The following MYO15A variants were observed in gnomAD, a reference collection of about 807,000 sequenced individuals.
The protein encoded by MYO15A is unconventional myosin-XV.
Under a neutral mutation model 394.6 loss-of-function variants are expected in MYO15A, and 308 were observed. The ratio of observed to expected loss-of-function variants is 0.78; its 90% CI spans 0.71 to 0.86. The LOEUF is 0.86. Among genes scored for constraint, MYO15A ranks in the 40% least tolerant of loss-of-function variants. The pLI, the probability that MYO15A is intolerant of heterozygous loss-of-function variation, is 0.00. For synonymous variants in MYO15A, 1,957 were observed against 2,003.8 expected, an observed-to-expected ratio of 0.98 and a Z score of 0.62; for missense variants, 4,606 against 4,799.1, an observed-to-expected ratio of 0.96 and a Z score of 1.19.
At chr17:18,115,133 C>T (rs2045768073) in intron 1 of MYO15A, among the ~76,000 whole-genome samples, 1 of 152,192 alleles carries the variant, frequency 6.6e-6, no homozygotes, top group Middle Eastern at 3.2e-3. Flanking sequence ...TTCCTGCACC[C>T]TGCCTCATCC....
At chr17:18,141,813 G>C in intron 23 of MYO15A, 43 bp downstream of exon 23, 3 of 1,585,414 alleles carry the variant, frequency 1.9e-6, no homozygotes, top group Non-Finnish European at 2.6e-6. Flanking sequence ...CCCCAAGTTT[G>C]GGGGGGTCCA....
Position 18,143,947 on chromosome 17 carries a change from C to A in MYO15A, c.6124C>A (p.Pro2042Thr). 1.2e-6 allele frequency: 2 copies of A among 1,612,400 alleles called. No individual in the cohort carries two copies. Among genetic ancestry groups the A allele is most frequent in the Non-Finnish European group, 1.7e-6 (2 of 1,179,522 alleles). The change falls in exon 28 of 66, where the codon CCC (proline) becomes ACC (threonine). Residue 2042 changes from proline to threonine, a missense_variant. Coordinates refer to ENST00000647165, the MANE Select transcript of MYO15A (RefSeq NM_016239.4). ...RLQAEPRVTL[P>T]LDINNYPMAK... ...CCAGGCTGAGCCCCGTGTCACACTGCCCCTGGACATCAACAACTATCCTAT... is the reference window on the plus strand; with the variant it reads ...CCAGGCTGAGCCCCGTGTCACACTGACCCTGGACATCAACAACTATCCTAT...
At chr17:18,160,625 G>A (rs2142397082) in intron 56 of MYO15A, 1 of 197,550 alleles carries the variant, frequency 5.1e-6, no homozygotes, top group East Asian at 1.2e-4. Context: ...GCCAGGGGCT[G>A]CGGTGTTCAC....
intron 65 of MYO15A, chr17:18,177,919 C>G (rs1441806885): frequency 6.6e-6 from 1 of 152,246 alleles, no homozygotes; most frequent in African/African-American, 2.4e-5. Context: ...GATTGATTTC[C>G]GCAATTCCCT....
In MYO15A at chr17:18,159,008, C is replaced by T. The variant is rs1203842483; in HGVS notation, c.9156+11C>T. On this transcript the variant is annotated intron_variant, in intron 53 of 65. Transcript: ENST00000647165. Reference sequence around the variant, plus strand: ...CTTTGCTTCACCAAGGTGTCCAGTCCCGGACCTCAGTTTCCCCATCTGTAA... The same window carrying T: ...CTTTGCTTCACCAAGGTGTCCAGTCTCGGACCTCAGTTTCCCCATCTGTAA... 2.5e-6 allele frequency: 4 copies of T among 1,613,146 alleles called. No homozygotes were observed. Among genetic ancestry groups the T allele is most frequent in the Admixed American group, 3.3e-5 (2 of 59,886 alleles).
intron 56 of MYO15A, 107 bp from the exon 57 acceptor site, chr17:18,161,210 C>T (rs1385044644): frequency 6.9e-7 from 1 of 1,450,844 alleles, no homozygotes; most frequent in East Asian, 2.4e-5. Flanking sequence ...CCTCAGGGGA[C>T]AGGAGCTGCC....
chr17:18,157,243 G>GA lies in MYO15A; in HGVS notation c.8788+15dup. On this transcript the variant is annotated intron_variant, in intron 50 of 65. Coordinates refer to ENST00000647165, the MANE Select transcript of MYO15A (RefSeq NM_016239.4). ...GGCCCCGACTTTGGTGTGTGCCCCA[G>GA]AACCTGGAACCCCATACGGGGCGCA... The GA allele has an allele frequency of 1.3e-6, 2 of 1,595,930 alleles. No individual in the cohort carries two copies. The highest frequency in any genetic ancestry group is 1.7e-6 in the Non-Finnish European group (2 of 1,170,904).
Position 18,162,581 on chromosome 17 carries a change from G to T in MYO15A, c.9518-4G>T. 3 of 1,613,682 alleles carry T rather than the reference G, an allele frequency of 1.9e-6. No individual in the cohort carries two copies. The highest frequency in any genetic ancestry group is 2.5e-6 in the Non-Finnish European group (3 of 1,179,864). ...GGCGAGGCCTGAACTCCCTGCTTCT[G>T]CAGGGATCGCCAAGGCCTGCGAGCA... On this transcript the variant is annotated splice_region_variant and splice_polypyrimidine_tract_variant and intron_variant, in intron 57 of 65. Coordinates refer to ENST00000647165, the MANE Select transcript of MYO15A (RefSeq NM_016239.4).
intron 12 of MYO15A, among the ~76,000 whole-genome samples, chr17:18,135,114 C>A (rs2046239323): frequency 6.6e-6 from 1 of 152,180 alleles, no homozygotes; most frequent in African/African-American, 2.4e-5. Flanking sequence ...GATCCTCCCA[C>A]CTCAGCCTCC....
At chr17:18,164,166 A>G (rs1388346493) in intron 60 of MYO15A, 11 of 394,162 alleles carry the variant, frequency 2.8e-5, no homozygotes, top group South Asian at 1.5e-4. Flanking sequence ...ATAGCGCCGC[A>G]TATTATGGAA....
At chr17:18,113,410 G>C (rs2045745746) in intron 1 of MYO15A, among the ~76,000 whole-genome samples, 1 of 152,146 alleles carries the variant, frequency 6.6e-6, no homozygotes, top group Non-Finnish European at 1.5e-5. Flanking sequence ...AAGTGCCCAG[G>C]CATGAGCCAC....
intron 17 of MYO15A, 33 bp downstream of exon 17, chr17:18,138,279 G>A: frequency 6.2e-7 from 1 of 1,606,760 alleles, no homozygotes; most frequent in Non-Finnish European, 8.5e-7. Context: ...GCCTAGTCAG[G>A]TCACAGATCT....
Position 18,154,177 on chromosome 17 carries a change from T to C in MYO15A, c.8135T>C (p.Leu2712Pro). 2 of 1,614,066 alleles carry C rather than the reference T, an allele frequency of 1.2e-6. No homozygotes were observed. ...TACAGCCATCCTGTGCAGCTTGACCTCCTGTTCCGGCAGGTGAGGTCCTGT... is the reference window on the plus strand; with the variant it reads ...TACAGCCATCCTGTGCAGCTTGACCCCCTGTTCCGGCAGGTGAGGTCCTGT... ...DSYSHPVQLD[L>P]LFRQILHDTL... The change falls in exon 44 of 66, where the codon CTC (leucine) becomes CCC (proline). Residue 2712 changes from leucine (L) to proline (P), a missense_variant. Around this residue, in one of 2 missense-constraint regions of MYO15A, gnomAD observed 2,776 missense variants for 3,109.3 expected, o/e 0.89. Coordinates refer to ENST00000647165, the MANE Select transcript of MYO15A (RefSeq NM_016239.4).
In MYO15A at chr17:18,119,972, C is replaced by A; in HGVS notation, c.1172C>A (p.Ala391Asp). The change falls in exon 2 of 66, where the codon GCC (alanine) becomes GAC (aspartate). Residue 391 changes from alanine (A) to aspartate (D), a missense_variant. Ala to Asp is a moderately radical substitution (Grantham distance 126). Transcript: ENST00000647165. ...GGCGTCTATGGCGGTGGGGACGAGGCCATCTACCCCCCCGAGGTGCCCTAT... is the reference window on the plus strand; with the variant it reads ...GGCGTCTATGGCGGTGGGGACGAGGACATCTACCCCCCCGAGGTGCCCTAT... Reference protein sequence around the residue: ...AEGVYGGGDEAIYPPEVPYFY... With the variant: ...AEGVYGGGDEDIYPPEVPYFY... The A allele has an allele frequency of 6.2e-7, 1 of 1,613,672 alleles. No homozygotes were observed. The highest frequency in any genetic ancestry group is 8.5e-7 in the Non-Finnish European group (1 of 1,180,020).
Position 18,158,679 on chromosome 17 carries a change from G to A in MYO15A, c.9083+41G>A, listed in dbSNP as rs750689302. On this transcript the variant is annotated intron_variant, in intron 52 of 65. Coordinates refer to ENST00000647165, the MANE Select transcript of MYO15A (RefSeq NM_016239.4). ...ACCCCTCTTCCCACAGTGGGAGGGT[G>A]CTGGGCTTCTTGCTGCCATCCAAAC... The A allele has an allele frequency of 1.1e-5, 17 of 1,601,318 alleles. No homozygotes were observed. In the South Asian group the frequency reaches 1.9e-4, roughly 18 times the overall value.
chr17:18,145,727 T>C lies in MYO15A; in HGVS notation c.6274-145T>C, dbSNP rs576155549. 620 of 702,076 alleles carry C rather than the reference T, an allele frequency of 8.8e-4. 2 individuals carry two copies. In the African/African-American group the frequency reaches 9.4e-3, roughly 11 times the overall value. 43.5% of individuals were successfully genotyped at this position (702,076 alleles called of 1,614,324 possible). A position where few individuals can be genotyped will look rare whatever the true frequency, so the allele number is the denominator to read the frequency against. ...CTCCATCTCAAAAAAATATTCTATATATATAGCAGTTATATTGTAATATAA... is the reference window on the plus strand; with the variant it reads ...CTCCATCTCAAAAAAATATTCTATACATATAGCAGTTATATTGTAATATAA... On this transcript the variant is annotated intron_variant, in intron 29 of 65. Coordinates refer to ENST00000647165, the MANE Select transcript of MYO15A (RefSeq NM_016239.4).
intron 48 of MYO15A, among the ~76,000 whole-genome samples, 164 bp from the exon 49 acceptor site, chr17:18,156,789 AC>A (rs940714301): frequency 6.6e-6 from 1 of 152,030 alleles, no homozygotes; most frequent in African/African-American, 2.4e-5. Context: ...CCTCAGACTC[AC>A]CCTCCAGCCC....
intron 50 of MYO15A, 196 bp downstream of exon 50, chr17:18,157,426 C>G: frequency 1.1e-6 from 1 of 916,092 alleles, no homozygotes; most frequent in Non-Finnish European, 1.7e-6. Flanking sequence ...GAGGGGTCTC[C>G]GTGGGCATTT....
chr17:18,126,668 C>T, intron 5 of MYO15A, 123 bp from the exon 6 acceptor site: 1 of 1,254,870 alleles, frequency 8.0e-7, no homozygotes, highest in Non-Finnish European at 1.2e-6. Context: ...GGGAGCATTC[C>T]CCCAACAGGG....
Sources: gnomAD v4.1 joint callset for allele counts (sites outside exome capture counted in the v4.1 genomes callset) on GRCh38, gnomAD v4.1.1 for gene constraint, gnomAD v4.1.1 regional missense constraint, MANE v1.5 for transcripts, NCBI Gene and HGNC (gene_info 2026-07-23, HGNC 2026-07-21) for gene names.